Variants in RBM24 observed in about 807,000 individuals in gnomAD.
RBM24 encodes RNA binding motif protein 24, also known as RNA-binding protein 24.
A neutral mutation model predicts 23.6 loss-of-function variants in RBM24; 5 were observed. That is an observed-to-expected ratio of 0.21 (90% CI 0.11 to 0.45). The LOEUF is 0.45. Among genes scored for constraint, RBM24 ranks in the 20% least tolerant of loss-of-function variants. RBM24 has a pLI of 0.99. For synonymous variants in RBM24, 151 were observed against 129.5 expected (o/e 1.17, Z -1.13); for missense variants, 252 against 314.6 (o/e 0.80, Z 1.51).
intron 3 of RBM24, chr6:17,290,213 C>A: frequency 1.4e-6 from 1 of 697,674 alleles, no homozygotes; most frequent in Non-Finnish European, 2.1e-6. Context: ...GAAAAATCTA[C>A]AAGTGCTGTT....
intron 3 of RBM24, among the ~76,000 whole-genome samples, chr6:17,286,152 A>G (rs188704299): frequency 7.1e-4 from 108 of 151,136 alleles, no homozygotes; most frequent in African/African-American, 2.5e-3. Flanking sequence ...CAACTCTAAC[A>G]TATCGGTACC....
intron 1 of RBM24, 90 bp from the exon 2 acceptor site, chr6:17,282,715 C>A: frequency 6.8e-7 from 1 of 1,472,854 alleles, no homozygotes; most frequent in South Asian, 1.2e-5. Context: ...TCAGTTTTAT[C>A]ATGAATGACT....
chr6:17,282,361 T>C (rs1402976117), intron 1 of RBM24: 2 of 795,714 alleles, frequency 2.5e-6, no homozygotes, highest in African/African-American at 3.6e-5. Flanking sequence ...GCTATTGTCG[T>C]TGGGGAGTGT....
chr6:17,290,887 C>T, intron 3 of RBM24: 6 of 1,289,328 alleles, frequency 4.7e-6, no homozygotes, highest in Non-Finnish European at 5.1e-6. Context: ...GCCTGATAGT[C>T]AAACAGGTTT....
Position 17,281,521 on chromosome 6 carries a change from GCGCAGCCGCTGCCCGAGCCGCAGCC to G in RBM24, c.-60_-36del. On this transcript the variant is annotated 5_prime_UTR_variant, in exon 1 of 4. Coordinates refer to ENST00000379052, the MANE Select transcript of RBM24 (RefSeq NM_001143942.2). This position sits in a 1 kb window ranked among gnomAD's most constrained non-coding sequence, Gnocchi z 7.1. ...GGGAGACGCGGAGCCGGAGGAGGAG[GCGCAGCCGCTGCCCGAGCCGCAGCC>G]GCAGCCGGAGCCCGAGCCGCGGGGC... 1 of 1,418,116 alleles carries G rather than the reference GCGCAGCCGCTGCCCGAGCCGCAGCC, an allele frequency of 7.1e-7. No individual in the cohort carries two copies. Among genetic ancestry groups the G allele is most frequent in the Admixed American group, 3.1e-5 (1 of 32,196 alleles). The allele number at this position is 1,418,116 out of a possible 1,614,324, so 87.8% of individuals were successfully genotyped here. A position where few individuals can be genotyped will look rare whatever the true frequency, so the allele number is the denominator to read the frequency against.
At chr6:17,290,058 CT>C in intron 3 of RBM24, 1 of 1,289,384 alleles carries the variant, frequency 7.8e-7, no homozygotes, top group Non-Finnish European at 1.0e-6. Flanking sequence ...TGGGAAACAT[CT>C]ACAAGTCTGG....
At chr6:17,288,210 T>C (rs536528613) in intron 3 of RBM24, 2 of 984,334 alleles carry the variant, frequency 2.0e-6, no homozygotes, top group South Asian at 9.4e-5. Context: ...TCTTTCCTCT[T>C]TGTCAAGCTG....
At chr6:17,291,470 GATTTA>G (rs1335572513) in intron 3 of RBM24, among the ~76,000 whole-genome samples, 1 of 152,080 alleles carries the variant, frequency 6.6e-6, no homozygotes, top group Non-Finnish European at 1.5e-5. Context: ...CATGAATCTT[GATTTA>G]TTTTCCAAAC....
intron 3 of RBM24, chr6:17,290,910 T>G (rs1191808264): frequency 7.8e-7 from 1 of 1,283,588 alleles, no homozygotes. Flanking sequence ...TTGACCGTTG[T>G]GTCCTTATGA....
intron 1 of RBM24, chr6:17,282,049 G>A (rs1388978423): frequency 1.3e-5 from 16 of 1,274,566 alleles, no homozygotes; most frequent in Non-Finnish European, 1.6e-5. Context: ...TGCGAGGGAG[G>A]GGCCGCAACC....
Position 17,291,992 on chromosome 6 carries a change from ACGCAGTCCAGCAGCCAATCAC to A in RBM24, c.590_610del (p.Val197_Ala203del). The stretch of plus-strand genomic sequence containing the variant: ...TATGTTACTGCTGGGGGCTATGGCT[ACGCAGTCCAGCAGCCAATCAC>A]CGCAGCGGCACCTGGGACAGCTGCC... On this transcript the variant is annotated inframe_deletion, in exon 4 of 4. Coordinates refer to ENST00000379052, the MANE Select transcript of RBM24 (RefSeq NM_001143942.2). 1 of 1,608,760 alleles carries A rather than the reference ACGCAGTCCAGCAGCCAATCAC, an allele frequency of 6.2e-7. No homozygotes were observed. Among genetic ancestry groups the A allele is most frequent in the Admixed American group, 1.7e-5 (1 of 59,846 alleles).
rs573242111 is a variant in RBM24 at position 17,282,161 on chromosome 6, AC to A, written c.168+416del. ...GTTTTGGCTGGGGCAGGGAGGGGACACCCCACGAGGTCTGGGGCTGTTGCCC... is the reference window on the plus strand; with the variant it reads ...GTTTTGGCTGGGGCAGGGAGGGGACACCCACGAGGTCTGGGGCTGTTGCCC... On this transcript the variant is annotated intron_variant, in intron 1 of 3. Coordinates refer to ENST00000379052, the MANE Select transcript of RBM24 (RefSeq NM_001143942.2). 5.6e-4 allele frequency: 699 copies of A among 1,247,566 alleles called. 2 individuals carry two copies. In the African/African-American group the frequency reaches 7.3e-3, roughly 13 times the overall value. 77.3% of individuals were successfully genotyped at this position (1,247,566 alleles called of 1,614,324 possible). A position where few individuals can be genotyped will look rare whatever the true frequency, so the allele number is the denominator to read the frequency against.
At position 17,281,847 on chromosome 6, in the gene RBM24, G is replaced by C; in HGVS notation, c.168+98G>C. On this transcript the variant is annotated intron_variant, in intron 1 of 3. Transcript: ENST00000379052. The surrounding 1 kb of genome is among the most constrained non-coding windows in gnomAD (Gnocchi z 7.1). The stretch of plus-strand genomic sequence containing the variant: ...TGAGGGGCTCGGCGTGACCCGTGAG[G>C]AGCCCCGCGGGTAGAGCGGCGCTGC... 2.1e-6 allele frequency: 3 copies of C among 1,460,322 alleles called. No homozygotes were observed. The highest frequency in any genetic ancestry group is 1.9e-6 in the Non-Finnish European group (2 of 1,076,490). 90.5% of individuals were successfully genotyped at this position (1,460,322 alleles called of 1,614,324 possible).
intron 3 of RBM24, chr6:17,285,080 C>T (rs1037459413): frequency 6.1e-6 from 1 of 163,200 alleles, no homozygotes; most frequent in African/African-American, 2.4e-5. Context: ...GCTAACTGAT[C>T]AGAAGGATAC....
chr6:17,293,068 A>G lies in RBM24; in HGVS notation c.*949A>G, dbSNP rs1327652470. On this transcript the variant is annotated 3_prime_UTR_variant, in exon 4 of 4. Transcript: ENST00000379052. ...GACATTTATTTTTTTTCCCTTTTTA[A>G]GTAATTTTACACTTTAGTATCTATT... 3 of 152,222 alleles carry G rather than the reference A, an allele frequency of 2.0e-5. No individual in the cohort carries two copies. The highest frequency in any genetic ancestry group is 2.9e-5 in the Non-Finnish European group (2 of 68,046). The allele number at this position is 152,222 out of a possible 1,614,324, so 9.4% of individuals were successfully genotyped here. A position where few individuals can be genotyped will look rare whatever the true frequency, so the allele number is the denominator to read the frequency against.
rs1164392671 is a variant in RBM24, at chr6:17,293,146, AG to A, written c.*1029del. On this transcript the variant is annotated 3_prime_UTR_variant, in exon 4 of 4. Transcript: ENST00000379052. ...AGTGACTACAGTACATGAGACAACA[AG>A]GTTACTGAGATTACAATTCTTCAAA... 3.3e-5 allele frequency: 5 copies of A among 152,548 alleles called. No individual in the cohort carries two copies. Among genetic ancestry groups the A allele is most frequent in the Admixed American group, 1.3e-4 (2 of 15,276 alleles). The allele number at this position is 152,548 out of a possible 1,614,324, so 9.4% of individuals were successfully genotyped here.
intron 3 of RBM24, among the ~76,000 whole-genome samples, chr6:17,290,449 T>C (rs766917941): frequency 4.6e-5 from 7 of 152,216 alleles, no homozygotes; most frequent in Non-Finnish European, 1.0e-4. Context: ...ATGCATGGAA[T>C]TTTTGTTTAA....
chr6:17,288,486 G>T, intron 3 of RBM24: 1 of 983,564 alleles, frequency 1.0e-6, no homozygotes, highest in Non-Finnish European at 1.2e-6. Context: ...GCAATCCAGG[G>T]TTGTGAGATT....
chr6:17,290,891 C>A, intron 3 of RBM24: 1 of 1,289,120 alleles, frequency 7.8e-7, no homozygotes, highest in Non-Finnish European at 1.0e-6. Flanking sequence ...GATAGTCAAA[C>A]AGGTTTGGTT....
Sources: gnomAD v4.1 joint callset for allele counts (sites outside exome capture counted in the v4.1 genomes callset) on GRCh38, gnomAD v4.1.1 for gene constraint, Gnocchi (gnomAD v3.1) non-coding constraint, MANE v1.5 for transcripts, NCBI Gene and HGNC (gene_info 2026-07-23, HGNC 2026-07-21) for gene names.